The following RARB variants were observed in gnomAD, a reference collection of about 807,000 sequenced individuals.
RARB encodes the protein HBV-activated protein.
In RARB, 17 loss-of-function variants were observed where a neutral mutation model predicts 51.9. The ratio of observed to expected loss-of-function variants is 0.33; its 90% CI spans 0.22 to 0.49. RARB has a LOEUF of 0.49. Ranked by LOEUF, RARB falls within the 20% of genes least tolerant of loss-of-function variation. RARB has a pLI of 0.99. For synonymous variants in RARB, 215 were observed against 195.4 expected (o/e 1.10, Z -0.84); for missense variants, 369 against 550.8 (o/e 0.67, Z 3.30).
At position 24,957,146 on chromosome 3, in the gene RARB, C is replaced by T. The variant is rs1287962663; in HGVS notation, c.-380+98394C>T. Among the ~76,000 whole-genome samples, 6 of 152,254 alleles carry T rather than the reference C, an allele frequency of 3.9e-5. No individual in the cohort carries two copies. The East Asian group carries it at 9.7e-4, about 25-fold the overall frequency. ...GAGCTATGAGCAGACAACATTCCAG[C>T]AGGGCTAATGAGTGCCTCACTTCTG... On this transcript the variant is annotated intron_variant, in intron 2 of 11. Transcript: ENST00000383772.
At chr3:25,440,320 C>T (rs972950918) in intron 1 of RARB, among the ~76,000 whole-genome samples, 2 of 151,866 alleles carry the variant, frequency 1.3e-5, no homozygotes, top group African/African-American at 2.4e-5. Context: ...GTGGCACGCA[C>T]CTGTAGTCCT....
intron 3 of RARB, among the ~76,000 whole-genome samples, chr3:25,118,311 A>T (rs192878060): frequency 2.6e-5 from 4 of 152,238 alleles, no homozygotes; most frequent in Admixed American, 2.6e-4. Flanking sequence ...TTTTTTCATC[A>T]GGTTCAACCT....
At position 25,237,210 on chromosome 3, in the gene RARB, C is replaced by T. The variant is rs188968759; in HGVS notation, c.178+62635C>T. Among the ~76,000 whole-genome samples the T allele has an allele frequency of 2.1e-3, 323 of 152,046 alleles. 2 individuals are homozygous for T. Among genetic ancestry groups the T allele is most frequent in the African/African-American group, 7.5e-3 (310 of 41,514 alleles). ...AATACTCATTATGCTTTAGCTAATC[C>T]CTTTGGAGAACTTGGTTACTGAAGA... On this transcript the variant is annotated intron_variant, in intron 5 of 11. Transcript: ENST00000383772.
intron 5 of RARB, among the ~76,000 whole-genome samples, chr3:25,265,555 C>G (rs1703105924): frequency 6.6e-6 from 1 of 152,148 alleles, no homozygotes; most frequent in Admixed American, 6.5e-5. Flanking sequence ...TCACTGCAAC[C>G]TCCACCTCCC....
intron 2 of RARB, among the ~76,000 whole-genome samples, chr3:24,892,106 G>A (rs1036610700): frequency 1.3e-5 from 2 of 152,012 alleles, no homozygotes; most frequent in Admixed American, 6.6e-5. Flanking sequence ...TCAGCAGGGA[G>A]TGTTGCAGGG....
chr3:25,457,943 T>G (rs1694997930), intron 1 of RARB, among the ~76,000 whole-genome samples: 1 of 152,152 alleles, frequency 6.6e-6, no homozygotes, highest in Non-Finnish European at 1.5e-5. Context: ...CATGACTCTG[T>G]CAGTTGTTGA....
intron 2 of RARB, among the ~76,000 whole-genome samples, chr3:25,017,253 A>G (rs1375195450): frequency 2.7e-5 from 4 of 148,546 alleles, no homozygotes; most frequent in Non-Finnish European, 5.9e-5. Flanking sequence ...ATCTCTAAGA[A>G]GTGAACTCGA....
intron 2 of RARB, among the ~76,000 whole-genome samples, chr3:24,905,357 G>A (rs915859129): frequency 6.6e-6 from 1 of 152,142 alleles, no homozygotes; most frequent in African/African-American, 2.4e-5. Context: ...AAGGCCAAAT[G>A]CACCTTTTCA....
At chr3:24,881,549 C>T (rs1166572356) in intron 2 of RARB, among the ~76,000 whole-genome samples, 2 of 151,912 alleles carry the variant, frequency 1.3e-5, no homozygotes. Flanking sequence ...TCTCTTGGGA[C>T]CAAGAGAAAA....
At chr3:25,330,601 T>C (rs1196223550) in intron 5 of RARB, among the ~76,000 whole-genome samples, 1 of 152,122 alleles carries the variant, frequency 6.6e-6, no homozygotes, top group Admixed American at 6.5e-5. Flanking sequence ...AGAAACTGCA[T>C]CAACTAATGA....
At chr3:25,484,279 A>G (rs1696365099) in intron 2 of RARB, among the ~76,000 whole-genome samples, 1 of 152,150 alleles carries the variant, frequency 6.6e-6, no homozygotes, top group Non-Finnish European at 1.5e-5. Context: ...TTCAAGGCTG[A>G]GGTTTTCTTC....
At chr3:25,517,540 A>G (rs750717896) in intron 3 of RARB, among the ~76,000 whole-genome samples, 2 of 152,198 alleles carry the variant, frequency 1.3e-5, no homozygotes, top group Non-Finnish European at 2.9e-5. Flanking sequence ...GCACACTGCT[A>G]GTGGGATCAT....
intron 4 of RARB, among the ~76,000 whole-genome samples, chr3:25,572,898 T>C (rs1313387344): frequency 6.6e-6 from 1 of 152,098 alleles, no homozygotes; most frequent in Non-Finnish European, 1.5e-5. Flanking sequence ...GCTCCCACTC[T>C]AACCTGGAGG....
intron 2 of RARB, among the ~76,000 whole-genome samples, chr3:24,904,671 C>G (rs1020119825): frequency 6.6e-6 from 1 of 152,144 alleles, no homozygotes; most frequent in South Asian, 2.1e-4. Flanking sequence ...GGTATATACC[C>G]AAAGGATTAG....
At chr3:25,414,852 ATT>A (rs1287097385) in intron 5 of RARB, among the ~76,000 whole-genome samples, 1 of 152,018 alleles carries the variant, frequency 6.6e-6, no homozygotes, top group Non-Finnish European at 1.5e-5. Context: ...GCTTTGCACA[ATT>A]TTTTGAGATG....
chr3:25,424,559 AAAAC>A (rs1408421257), upstream of RARB, among the ~76,000 whole-genome samples: 3 of 152,230 alleles, frequency 2.0e-5, no homozygotes, highest in South Asian at 2.1e-4. Context: ...AAAAAATTAA[AAAAC>A]AAACAAAAAG....
intron 2 of RARB, among the ~76,000 whole-genome samples, chr3:24,990,452 C>G (rs1253490835): frequency 2.0e-5 from 2 of 100,954 alleles, no homozygotes; most frequent in African/African-American, 7.8e-5. Flanking sequence ...CCTGCCTAAT[C>G]TAACATAAAT....
At chr3:25,253,897 T>C (rs1004173929) in intron 5 of RARB, among the ~76,000 whole-genome samples, 1 of 152,150 alleles carries the variant, frequency 6.6e-6, no homozygotes, top group Non-Finnish European at 1.5e-5. Flanking sequence ...GAACCTCTAA[T>C]AGACACAAAT....
intron 4 of RARB, among the ~76,000 whole-genome samples, 180 bp downstream of exon 4, chr3:25,570,098 C>G (rs1310916436): frequency 6.6e-6 from 1 of 152,182 alleles, no homozygotes; most frequent in Non-Finnish European, 1.5e-5. Flanking sequence ...TGTGAGGTAG[C>G]CTTTGGGCGT....
Sources: gnomAD v4.1 joint callset for allele counts (sites outside exome capture counted in the v4.1 genomes callset) on GRCh38, gnomAD v4.1.1 for gene constraint, MANE v1.5 for transcripts, NCBI Gene and HGNC (gene_info 2026-07-23, HGNC 2026-07-21) for gene names.